Variants in ZNF469 observed in about 807,000 individuals in gnomAD.
ZNF469 encodes zinc finger protein 469.
Under a neutral mutation model 1.0 loss-of-function variants are expected in ZNF469, and 1 was observed. The observed-to-expected ratio is 1.00, with a 90% CI of 0.35 to 4.73. The LOEUF is 4.73. Among genes scored for constraint, ZNF469 ranks in the 30% most tolerant of loss-of-function variants. The probability of loss-of-function intolerance (pLI) is 0.16; values close to 1 mark genes in which losing one functional copy is unlikely to be tolerated. For missense variants in ZNF469, 6,100 were observed against 5,356.3 expected, an observed-to-expected ratio of 1.14 and a Z score of -4.33; for synonymous variants, 2,703 against 2,363.4, an observed-to-expected ratio of 1.14 and a Z score of -4.17.
chr16:88,376,990 C>T, the ZNF469 span, among the ~76,000 whole-genome samples: 2 of 152,236 alleles, frequency 1.3e-5, no homozygotes, highest in African/African-American at 2.4e-5. Flanking sequence ...GCCGGGAGGG[C>T]CAGAGGCACC....
the ZNF469 span, among the ~76,000 whole-genome samples, chr16:88,341,539 T>C: frequency 6.6e-6 from 1 of 152,202 alleles, no homozygotes; most frequent in Non-Finnish European, 1.5e-5. Flanking sequence ...TCGCATTGAC[T>C]CTCAAGCCGT....
the ZNF469 span, among the ~76,000 whole-genome samples, chr16:88,154,525 T>C: frequency 1.3e-5 from 2 of 151,964 alleles, no homozygotes; most frequent in Non-Finnish European, 2.9e-5. Flanking sequence ...TCGTAGAAAG[T>C]TCTGCCATTT....
the ZNF469 span, among the ~76,000 whole-genome samples, chr16:88,132,561 A>G: frequency 6.6e-6 from 1 of 152,212 alleles, no homozygotes; most frequent in Admixed American, 6.5e-5. Context: ...TTGGAGACAC[A>G]CGCTGGCCCC....
At chr16:88,298,778 T>C in the ZNF469 span, among the ~76,000 whole-genome samples, 1 of 152,016 alleles carries the variant, frequency 6.6e-6, no homozygotes, top group Non-Finnish European at 1.5e-5. Flanking sequence ...CAGACGTGCA[T>C]TCCATCCTTA....
chr16:88,184,841 C>A, the ZNF469 span, among the ~76,000 whole-genome samples: 2 of 152,240 alleles, frequency 1.3e-5, no homozygotes, highest in Non-Finnish European at 2.9e-5. Flanking sequence ...CCCTCTCGGG[C>A]TGGCTTGTGC....
At chr16:88,323,130 C>T in the ZNF469 span, among the ~76,000 whole-genome samples, 3 of 152,182 alleles carry the variant, frequency 2.0e-5, no homozygotes, top group Non-Finnish European at 2.9e-5. Context: ...TTAGAGCTGC[C>T]GTTCCCTGGG....
chr16:88,352,852 T>C, the ZNF469 span, among the ~76,000 whole-genome samples: 75 of 152,342 alleles, frequency 4.9e-4, 2 homozygotes, highest in African/African-American at 1.6e-3. Flanking sequence ...TGCATGGGCC[T>C]GACCCCTGGG....
At chr16:88,190,706 G>T in the ZNF469 span, among the ~76,000 whole-genome samples, 17,477 of 151,932 alleles carry the variant, frequency 0.12, 1,350 homozygotes, top group African/African-American at 0.21. Flanking sequence ...GGCTGTTGGA[G>T]AACTCAACAG....
chr16:88,119,312 C>T, the ZNF469 span, among the ~76,000 whole-genome samples: 7 of 152,206 alleles, frequency 4.6e-5, no homozygotes, highest in East Asian at 5.8e-4. Context: ...GCTTCATCCC[C>T]GCACTCTTCC....
the ZNF469 span, among the ~76,000 whole-genome samples, chr16:88,151,308 G>A: frequency 7.9e-4 from 120 of 152,242 alleles, no homozygotes; most frequent in Non-Finnish European, 2.6e-4. The surrounding 1 kb of genome is among the most constrained non-coding windows in gnomAD (Gnocchi z 5.4). Context: ...TCAGCCAGGA[G>A]CGTCCACGTG....
In ZNF469 at chr16:88,437,161, A is replaced by C; in HGVS notation, c.9691A>C (p.Ile3231Leu). Residue 3231 changes from isoleucine (I) to leucine (L), a missense_variant, in exon 3 of 3, where the codon ATC becomes CTC. Physicochemically the swap from Ile to Leu is conservative, Grantham distance 5. Transcript: ENST00000565624. Reference sequence around the variant, plus strand: ...CGCTGTCGCCCACCTTCTGAACAGCATCACGGAACCCGCGCCCAAACACCA... The same window carrying C: ...CGCTGTCGCCCACCTTCTGAACAGCCTCACGGAACCCGCGCCCAAACACCA... ...SSAVAHLLNS[I>L]TEPAPKHHRG... 1 of 1,549,352 alleles carries C rather than the reference A, an allele frequency of 6.5e-7. No individual in the cohort carries two copies. Among genetic ancestry groups the C allele is most frequent in the Non-Finnish European group, 8.7e-7 (1 of 1,146,602 alleles).
At chr16:88,399,823 T>C (rs1904803230) in intron 1 of ZNF469, among the ~76,000 whole-genome samples, 1 of 152,148 alleles carries the variant, frequency 6.6e-6, no homozygotes, top group South Asian at 2.1e-4. Flanking sequence ...ACAGGAGGCG[T>C]GGAGCCTGGG....
At chr16:88,182,487 G>A in the ZNF469 span, among the ~76,000 whole-genome samples, 2 of 151,728 alleles carry the variant, frequency 1.3e-5, no homozygotes, top group African/African-American at 4.8e-5. Context: ...TTTTGCAAGA[G>A]GTACAATAAT....
chr16:88,208,733 A>G, the ZNF469 span, among the ~76,000 whole-genome samples: 1 of 151,876 alleles, frequency 6.6e-6, no homozygotes, highest in African/African-American at 2.4e-5. Flanking sequence ...AGACACACAC[A>G]TATATCTGCA....
rs74032864 is a variant in ZNF469 at position 88,428,613 on chromosome 16, C to T, written c.1143C>T (p.Pro381=). 1.8e-5 allele frequency: 28 copies of T among 1,550,116 alleles called. No individual in the cohort carries two copies. Among genetic ancestry groups the T allele is most frequent in the Middle Eastern group, 1.7e-4 (1 of 6,014 alleles). The change falls in exon 3 of 3, where the codon CCC becomes CCT. Residue 381 remains proline (P), a synonymous_variant. Coordinates refer to ENST00000565624, the MANE Select transcript of ZNF469 (RefSeq NM_001367624.2). ...ACAAGAGCCTGACCAAAATCCTTCC[C>T]GAAAGACCACCTTCAGCCCAGGATG... The part of the protein sequence containing the change: ...SLHKSLTKIL[P]ERPPSAQDGL...
chr16:88,215,693 C>CT, the ZNF469 span, among the ~76,000 whole-genome samples: 4 of 151,388 alleles, frequency 2.6e-5, no homozygotes, highest in Non-Finnish European at 4.4e-5. Flanking sequence ...CCTGGCCAGC[C>CT]TTTTTTTTTA....
the ZNF469 span, among the ~76,000 whole-genome samples, chr16:88,370,378 C>T: frequency 6.6e-6 from 1 of 152,116 alleles, no homozygotes; most frequent in Non-Finnish European, 1.5e-5. Flanking sequence ...CTCGTTATTC[C>T]TCAGGGGAAA....
chr16:88,222,224 C>G, the ZNF469 span, among the ~76,000 whole-genome samples: 2 of 152,238 alleles, frequency 1.3e-5, no homozygotes, highest in Non-Finnish European at 2.9e-5. Context: ...TCAGCACTGG[C>G]TACACACCCA....
chr16:88,183,424 C>A, the ZNF469 span, among the ~76,000 whole-genome samples: 14 of 152,258 alleles, frequency 9.2e-5, no homozygotes, highest in African/African-American at 3.4e-4. Flanking sequence ...CTGTGTACCT[C>A]CACCTGTCCC....
Sources: gnomAD v4.1 joint callset for allele counts (sites outside exome capture counted in the v4.1 genomes callset) on GRCh38, gnomAD v4.1.1 for gene constraint, Gnocchi (gnomAD v3.1) non-coding constraint, MANE v1.5 for transcripts, NCBI Gene and HGNC (gene_info 2026-07-23, HGNC 2026-07-21) for gene names.